TSNARE1: variants seen among roughly 807,000 people sequenced by gnomAD.
The protein encoded by TSNARE1 is t-SNARE domain-containing protein 1.
TSNARE1 carries 49 observed loss-of-function variants against 62.0 expected under a neutral mutation model. That is an observed-to-expected ratio of 0.79 (90% CI 0.63 to 1.00). TSNARE1 has a LOEUF of 1.00. Ranked by LOEUF, TSNARE1 falls within the 50% of genes least tolerant of loss-of-function variation. The probability of loss-of-function intolerance (pLI) is 0.00; values close to 1 mark genes in which losing one functional copy is unlikely to be tolerated. For missense variants in TSNARE1, 755 were observed against 700.1 expected, an observed-to-expected ratio of 1.08 and a Z score of -0.88; for synonymous variants, 328 against 294.4, an observed-to-expected ratio of 1.11 and a Z score of -1.17.
chr8:142,227,151 A>G (rs958232039), intron 13 of TSNARE1, among the ~76,000 whole-genome samples: 1 of 149,678 alleles, frequency 6.7e-6, no homozygotes, highest in African/African-American at 2.5e-5. Flanking sequence ...CACCCCAGTG[A>G]CAGCCAGGAC....
chr8:142,242,460 C>T (rs1817709569), intron 12 of TSNARE1, among the ~76,000 whole-genome samples: 1 of 152,230 alleles, frequency 6.6e-6, no homozygotes. Flanking sequence ...GGGGAGCAGT[C>T]AGCAGAGTGA....
chr8:142,286,237 T>A (rs1362785819), intron 10 of TSNARE1, among the ~76,000 whole-genome samples: 1 of 152,046 alleles, frequency 6.6e-6, no homozygotes, highest in Non-Finnish European at 1.5e-5. Flanking sequence ...CAGGGGAAGA[T>A]CCTTCAGGCC....
chr8:142,368,103 T>C (rs1169906611), intron 1 of TSNARE1, among the ~76,000 whole-genome samples: 4 of 149,992 alleles, frequency 2.7e-5, no homozygotes, highest in Non-Finnish European at 4.4e-5. Context: ...TAAAAGCAAG[T>C]GAACAAACAA....
chr8:142,332,595 TATGAGGACAGCAAGTCCTC>T (rs1183726373), intron 4 of TSNARE1, among the ~76,000 whole-genome samples: 1 of 152,138 alleles, frequency 6.6e-6, no homozygotes, highest in Non-Finnish European at 1.5e-5. Flanking sequence ...TACAGAACAC[TATGAGGACAGCAAGTCCTC>T]ATGAGGACAT....
Position 142,310,414 on chromosome 8 carries a change from C to T in TSNARE1, c.1131+3970G>A, listed in dbSNP as rs547178274. Among the ~76,000 whole-genome samples the T allele has an allele frequency of 3.6e-4, 54 of 151,510 alleles. 1 individual carries two copies. The highest frequency in any genetic ancestry group is 9.8e-4 in the African/African-American group (40 of 40,818). On this transcript the variant is annotated intron_variant, in intron 9 of 13. Coordinates refer to ENST00000524325, the MANE Select transcript of TSNARE1 (RefSeq NM_145003.5). ...CTCATCATCACCGTTCCACCGTCGA[C>T]GTTAACCTGGGCGCAGCCACATCAA...
chr8:142,370,776 T>C (rs1835861927), intron 1 of TSNARE1, among the ~76,000 whole-genome samples: 1 of 151,778 alleles, frequency 6.6e-6, no homozygotes, highest in African/African-American at 2.4e-5. Context: ...CAGCTGACTT[T>C]CCTTCAGAAA....
chr8:142,394,642 T>C (rs1212937213), intron 1 of TSNARE1, among the ~76,000 whole-genome samples: 1 of 152,218 alleles, frequency 6.6e-6, no homozygotes, highest in Non-Finnish European at 1.5e-5. Context: ...CTCTGCTCTG[T>C]GCTTGCTTCA....
At chr8:142,245,991 A>C (rs541677526) in intron 12 of TSNARE1, among the ~76,000 whole-genome samples, 1 of 152,316 alleles carries the variant, frequency 6.6e-6, no homozygotes, top group South Asian at 2.1e-4. Flanking sequence ...CACAATTCCA[A>C]AATTCCACTG....
At chr8:142,280,404 G>C (rs1208356335) in intron 11 of TSNARE1, 1 of 862,480 alleles carries the variant, frequency 1.2e-6, no homozygotes, top group Non-Finnish European at 1.4e-6. Context: ...GTCATCACAG[G>C]CCCTGCATCT....
At chr8:142,335,353 GA>G (rs1831608802) in intron 4 of TSNARE1, among the ~76,000 whole-genome samples, 1 of 152,210 alleles carries the variant, frequency 6.6e-6, no homozygotes, top group African/African-American at 2.4e-5. Context: ...TGTTATAAAT[GA>G]CGTGTGGTCC....
At chr8:142,371,668 G>A (rs1327428462) in intron 1 of TSNARE1, among the ~76,000 whole-genome samples, 1 of 152,128 alleles carries the variant, frequency 6.6e-6, no homozygotes, top group Non-Finnish European at 1.5e-5. Flanking sequence ...TTTCTGTATC[G>A]AGGTGGTGGT....
chr8:142,352,526 C>A (rs1834231997), intron 2 of TSNARE1, among the ~76,000 whole-genome samples: 2 of 152,272 alleles, frequency 1.3e-5, no homozygotes, highest in South Asian at 4.1e-4. Flanking sequence ...ACACAGGAGC[C>A]AGCCTTAGCA....
chr8:142,325,866 G>A (rs1830140227), intron 6 of TSNARE1, among the ~76,000 whole-genome samples: 1 of 151,276 alleles, frequency 6.6e-6, no homozygotes, highest in Admixed American at 6.6e-5. Flanking sequence ...ACCAGTGAAG[G>A]GGAGGGGCCC....
chr8:142,333,872 G>A (rs1831395610), intron 4 of TSNARE1, among the ~76,000 whole-genome samples: 2 of 152,200 alleles, frequency 1.3e-5, no homozygotes, highest in African/African-American at 2.4e-5. Flanking sequence ...CCTGAGGGAC[G>A]GCCCCCCATC....
At chr8:142,398,319 C>G (rs546759049) in intron 1 of TSNARE1, among the ~76,000 whole-genome samples, 1 of 150,940 alleles carries the variant, frequency 6.6e-6, no homozygotes, top group Non-Finnish European at 1.5e-5. Context: ...AACACACCCC[C>G]AGCCCTGCCC....
At chr8:142,244,293 C>T (rs1817789886) in intron 12 of TSNARE1, among the ~76,000 whole-genome samples, 1 of 152,170 alleles carries the variant, frequency 6.6e-6, no homozygotes, top group South Asian at 2.1e-4. Flanking sequence ...TGACTATACA[C>T]TCAATTTACA....
Position 142,292,808 on chromosome 8 carries a change from A to T in TSNARE1, c.1290+7678T>A, listed in dbSNP as rs2131112703. Among the ~76,000 whole-genome samples the T allele has an allele frequency of 3.3e-5, 5 of 152,186 alleles. 2 individuals carry two copies. The highest frequency in any genetic ancestry group is 3.3e-4 in the Admixed American group (5 of 15,282). ...CCACCAAGGGCCTTTCAGAGCCCCA[A>T]ACAGTTCCCAGCCCTATCCCAGACC... On this transcript the variant is annotated intron_variant, in intron 10 of 13. Transcript: ENST00000524325.
intron 12 of TSNARE1, among the ~76,000 whole-genome samples, chr8:142,254,468 C>T (rs1162279577): frequency 6.6e-6 from 1 of 152,328 alleles, no homozygotes; most frequent in East Asian, 1.9e-4. Flanking sequence ...TCCCAGAAAG[C>T]GATGGGCCTT....
At chr8:142,214,394 C>T (rs115419840) in intron 13 of TSNARE1, among the ~76,000 whole-genome samples, 1,539 of 152,332 alleles carry the variant, frequency 0.01, 27 homozygotes, top group African/African-American at 0.034. Context: ...CCCGCCACCC[C>T]GGATTTGGGA....
Sources: allele counts gnomAD v4.1 joint callset (sites outside exome capture counted in the v4.1 genomes callset), GRCh38; gene constraint gnomAD v4.1.1; transcripts MANE v1.5; gene names NCBI Gene and HGNC (gene_info 2026-07-23, HGNC 2026-07-21).